Variants in ASPRV1 observed in about 807,000 individuals in gnomAD.
The protein encoded by ASPRV1 is retroviral-like aspartic protease 1.
A neutral mutation model predicts 11.0 loss-of-function variants in ASPRV1; 7 were observed. The observed-to-expected ratio is 0.64, with a 90% confidence interval of 0.36 to 1.20. The LOEUF is 1.20. ASPRV1 is among the 50% of genes most tolerant of loss of function. The pLI is 0.02. For missense variants in ASPRV1, 299 were observed against 320.0 expected (o/e 0.93, Z 0.50); for synonymous variants, 136 against 138.4 (o/e 0.98, Z 0.12).
the ASPRV1 span, among the ~76,000 whole-genome samples, chr2:70,075,746 G>A: frequency 6.6e-6 from 1 of 152,114 alleles, no homozygotes; most frequent in Non-Finnish European, 1.5e-5. Context: ...CTACTTGGGA[G>A]GCTGAGGCAG....
At chr2:70,047,780 A>G in the ASPRV1 span, among the ~76,000 whole-genome samples, 2 of 152,202 alleles carry the variant, frequency 1.3e-5, no homozygotes, top group Non-Finnish European at 2.9e-5. Flanking sequence ...TGAAGCAGGC[A>G]AAACATTAAG....
chr2:70,048,346 C>CA, the ASPRV1 span, among the ~76,000 whole-genome samples: 3 of 150,208 alleles, frequency 2.0e-5, no homozygotes, highest in Admixed American at 6.7e-5. Context: ...ACCCAGGAAG[C>CA]AAAGGTTGCA....
chr2:69,938,184 G>A, the ASPRV1 span: 1,084 of 1,614,216 alleles, frequency 6.7e-4, 4 homozygotes, highest in Middle Eastern at 2.6e-3. Flanking sequence ...TCTGACGAGC[G>A]GGGCAGCATG....
the ASPRV1 span, among the ~76,000 whole-genome samples, chr2:70,029,063 C>T: frequency 2.0e-5 from 3 of 152,156 alleles, no homozygotes; most frequent in Admixed American, 1.3e-4. Flanking sequence ...AAATATCCCT[C>T]AACTCAGAGT....
the ASPRV1 span, among the ~76,000 whole-genome samples, chr2:70,019,988 GTA>G: frequency 1.7e-4 from 25 of 150,350 alleles, no homozygotes; most frequent in African/African-American, 3.7e-4. Flanking sequence ...CAATGTGTGT[GTA>G]TATATATATA....
the ASPRV1 span, among the ~76,000 whole-genome samples, chr2:69,982,547 AG>A: frequency 2.0e-5 from 3 of 152,184 alleles, no homozygotes; most frequent in Non-Finnish European, 2.9e-5. Context: ...CTGAAAGGGG[AG>A]GAGGCACAGG....
the ASPRV1 span, among the ~76,000 whole-genome samples, chr2:70,029,718 T>C: frequency 6.6e-6 from 1 of 152,194 alleles, no homozygotes; most frequent in Admixed American, 6.5e-5. Flanking sequence ...TTGGCCACTT[T>C]GCTTGTCAGA....
chr2:69,966,218 A>C (rs775737069), upstream of ASPRV1, among the ~76,000 whole-genome samples: 2 of 152,180 alleles, frequency 1.3e-5, no homozygotes, highest in Non-Finnish European at 2.9e-5. Flanking sequence ...CAATTTGCCA[A>C]AACCGGTTCT....
upstream of ASPRV1, among the ~76,000 whole-genome samples, chr2:69,965,100 T>C (rs991776455): frequency 3.3e-5 from 5 of 152,170 alleles, no homozygotes; most frequent in Non-Finnish European, 7.4e-5. Context: ...CAGGCTGGAG[T>C]GCAGTGGCGT....
chr2:70,000,360 G>A, the ASPRV1 span, among the ~76,000 whole-genome samples: 7 of 137,506 alleles, frequency 5.1e-5, no homozygotes, highest in Admixed American at 2.1e-4. Flanking sequence ...ACACACACAC[G>A]TAATATATGA....
At chr2:69,983,584 TG>T in the ASPRV1 span, among the ~76,000 whole-genome samples, 1 of 151,696 alleles carries the variant, frequency 6.6e-6, no homozygotes, top group South Asian at 2.1e-4. Flanking sequence ...GGCAGGGAGA[TG>T]GTGTGTTGAA....
the ASPRV1 span, among the ~76,000 whole-genome samples, chr2:69,981,742 A>G: frequency 6.6e-6 from 1 of 152,132 alleles, no homozygotes; most frequent in Non-Finnish European, 1.5e-5. Flanking sequence ...TATTTTTAGT[A>G]GAGATGAGGT....
the ASPRV1 span, among the ~76,000 whole-genome samples, chr2:70,066,883 C>G: frequency 7.2e-4 from 109 of 152,236 alleles, no homozygotes; most frequent in African/African-American, 2.4e-3. Flanking sequence ...AGCCACCACG[C>G]CTGGCCCATT....
chr2:70,006,228 C>T, the ASPRV1 span, among the ~76,000 whole-genome samples: 1 of 152,180 alleles, frequency 6.6e-6, no homozygotes, highest in Non-Finnish European at 1.5e-5. Context: ...TGTTTGAGAA[C>T]CACTGATACA....
the ASPRV1 span, chr2:70,085,934 AAAT>A: frequency 6.6e-6 from 1 of 152,114 alleles, no homozygotes; most frequent in Non-Finnish European, 1.5e-5. Context: ...CTCATTCCTT[AAAT>A]TAAACAGAGG....
upstream of ASPRV1, chr2:69,961,677 T>A (rs1678121865): frequency 6.5e-7 from 1 of 1,542,958 alleles, no homozygotes; most frequent in East Asian, 2.3e-5. Flanking sequence ...GGCTGGCCCC[T>A]GGGCTCCCCA....
chr2:69,998,048 T>G, the ASPRV1 span: 2 of 152,020 alleles, frequency 1.3e-5, no homozygotes, highest in African/African-American at 4.8e-5. Flanking sequence ...ATGACCAGCC[T>G]GACTTCTAAC....
At chr2:69,999,677 AAGAC>A in the ASPRV1 span, among the ~76,000 whole-genome samples, 1 of 150,938 alleles carries the variant, frequency 6.6e-6, no homozygotes, top group South Asian at 2.1e-4. Flanking sequence ...AAAAAAAAAA[AAGAC>A]AGAAACCAGC....
chr2:69,958,966 C>T (rs1678000795), downstream of ASPRV1, among the ~76,000 whole-genome samples: 1 of 152,190 alleles, frequency 6.6e-6, no homozygotes, highest in Admixed American at 6.5e-5. Flanking sequence ...AGATGCTTGG[C>T]TGCCCAGGGA....
Sources: allele counts gnomAD v4.1 joint callset (sites outside exome capture counted in the v4.1 genomes callset), GRCh38; gene constraint gnomAD v4.1.1; transcripts MANE v1.5; gene names NCBI Gene and HGNC (gene_info 2026-07-23, HGNC 2026-07-21).